Variants in FBXW8 observed in about 807,000 individuals in gnomAD.
The protein encoded by FBXW8 is F-box and WD repeat domain containing 8.
FBXW8 carries 57 observed loss-of-function variants against 65.3 expected under a neutral mutation model. The ratio of observed to expected loss-of-function variants is 0.87; its 90% CI spans 0.71 to 1.09. The LOEUF (loss-of-function observed/expected upper bound fraction) is 1.09, where lower values mean the gene tolerates loss of function less well. Ranked by LOEUF, FBXW8 falls within the 50% of genes least tolerant of loss-of-function variation. The pLI is 0.00. For synonymous variants in FBXW8, 308 were observed against 330.2 expected, an observed-to-expected ratio of 0.93 and a Z score of 0.73; for missense variants, 777 against 814.8, an observed-to-expected ratio of 0.95 and a Z score of 0.57.
chr12:116,934,924 C>T (rs1027856697), intron 2 of FBXW8, among the ~76,000 whole-genome samples: 13 of 152,306 alleles, frequency 8.5e-5, no homozygotes, highest in East Asian at 5.8e-4. Flanking sequence ...CAGTCTTTGA[C>T]GGCCACACTG....
intron 2 of FBXW8, among the ~76,000 whole-genome samples, chr12:116,942,480 T>G (rs549675849): frequency 6.1e-4 from 92 of 151,548 alleles, no homozygotes; most frequent in African/African-American, 1.9e-3. Context: ...GTTCAAGTGA[T>G]TCTCCTGCCT....
intron 7 of FBXW8, chr12:117,002,989 A>G (rs937338239): frequency 6.6e-6 from 1 of 152,192 alleles, no homozygotes; most frequent in African/African-American, 2.4e-5. Flanking sequence ...TGGGTCGTTT[A>G]TGTGAGTAAA....
At chr12:116,955,708 C>G (rs1883598680) in intron 4 of FBXW8, among the ~76,000 whole-genome samples, 1 of 152,108 alleles carries the variant, frequency 6.6e-6, no homozygotes, top group African/African-American at 2.4e-5. Flanking sequence ...TGGAAACATC[C>G]CTGTTCTGTT....
intron 1 of FBXW8, among the ~76,000 whole-genome samples, chr12:116,912,675 GGATGGTCTC>G (rs771672574): frequency 1.3e-5 from 2 of 151,972 alleles, no homozygotes; most frequent in African/African-American, 4.8e-5. Flanking sequence ...GTGTTAGCCA[GGATGGTCTC>G]GATCTCCTGA....
At chr12:116,966,992 T>C (rs1884366913) in intron 5 of FBXW8, among the ~76,000 whole-genome samples, 1 of 152,014 alleles carries the variant, frequency 6.6e-6, no homozygotes, top group African/African-American at 2.4e-5. Context: ...TATTTTAAAT[T>C]CTTTTTTTTT....
chr12:117,024,131 TC>T lies in FBXW8; in HGVS notation c.1368-14del. 6.2e-7 allele frequency: 1 copy of T among 1,611,294 alleles called. No homozygotes were observed. The highest frequency in any genetic ancestry group is 1.1e-5 in the South Asian group (1 of 91,002). ...TAACCCCATTTCCCTTCTCTGCTCT[TC>T]CTGGGCCTGTCCAGGGTGAGGATCC... On this transcript the variant is annotated splice_polypyrimidine_tract_variant and intron_variant, in intron 8 of 10. Transcript: ENST00000652555.
chr12:116,978,950 T>A (rs532602079), intron 5 of FBXW8: 1 of 152,220 alleles, frequency 6.6e-6, no homozygotes, highest in African/African-American at 2.4e-5. Flanking sequence ...TTGGGACTTA[T>A]CTTTTTGATG....
chr12:117,021,477 C>A (rs1954094474), intron 8 of FBXW8, among the ~76,000 whole-genome samples: 1 of 152,002 alleles, frequency 6.6e-6, no homozygotes, highest in African/African-American at 2.4e-5. Context: ...TTAGAAAGGT[C>A]TTCCTCCTTT....
At position 116,940,250 on chromosome 12, in the gene FBXW8, G is replaced by A. The variant is rs139337099; in HGVS notation, c.424-5114G>A. ...GAGCCCTATCTTTAGCACCATCCTG[G>A]TTATCTTTTTTTTTTTTTAAATAAT... On this transcript the variant is annotated intron_variant, in intron 2 of 10. Coordinates refer to ENST00000652555, the MANE Select transcript of FBXW8 (RefSeq NM_153348.3). 9.3e-4 allele frequency among the ~76,000 whole-genome samples: 140 copies of A among 150,108 alleles called. 1 individual carries two copies. Among genetic ancestry groups the A allele is most frequent in the African/African-American group, 3.4e-3 (134 of 39,764 alleles).
intron 8 of FBXW8, among the ~76,000 whole-genome samples, chr12:117,017,773 C>A (rs953424742): frequency 6.6e-6 from 1 of 152,072 alleles, no homozygotes; most frequent in Non-Finnish European, 1.5e-5. Context: ...ATGAAACTGC[C>A]GAGCCAGACA....
At chr12:117,006,105 G>T (rs1953669086) in intron 7 of FBXW8, among the ~76,000 whole-genome samples, 2 of 152,224 alleles carry the variant, frequency 1.3e-5, no homozygotes, top group Admixed American at 1.3e-4. Flanking sequence ...GGCTTCTGGG[G>T]AGCTGAGCCA....
chr12:116,989,688 G>A (rs561591356), intron 7 of FBXW8, among the ~76,000 whole-genome samples: 3 of 152,296 alleles, frequency 2.0e-5, no homozygotes, highest in Non-Finnish European at 4.4e-5. Flanking sequence ...GACCAAGGGG[G>A]AGAGAGAGAA....
In FBXW8 at chr12:117,028,098, T is replaced by G. The variant is rs573936488; in HGVS notation, c.1723T>G (p.Cys575Gly). 3.2e-5 allele frequency: 51 copies of G among 1,614,184 alleles called. No individual in the cohort carries two copies. The highest frequency in any genetic ancestry group is 1.2e-4 in the Admixed American group (7 of 60,030). Residue 575 changes from cysteine to glycine, a missense_variant, in exon 11 of 11, where the codon TGC (cysteine) becomes GGC (glycine). Physicochemically the swap from Cys to Gly is radical, Grantham distance 159. Transcript: ENST00000652555. The surrounding 1 kb of genome is among the most constrained non-coding windows in gnomAD (Gnocchi z 4.1). Reference sequence around the variant, plus strand: ...GGCCTTCCAGAGCCCTCTCCCTGTCTGCCGTTCATCCTGTGACGCCATGGC... The same window carrying G: ...GGCCTTCCAGAGCCCTCTCCCTGTCGGCCGTTCATCCTGTGACGCCATGGC... ...QLAFQSPLPV[C>G]RSSCDAMATH...
Position 116,936,517 on chromosome 12 carries a change from C to T in FBXW8, c.423+8390C>T, listed in dbSNP as rs1023508025. On this transcript the variant is annotated intron_variant, in intron 2 of 10. Transcript: ENST00000652555. This position sits in a 1 kb window ranked among gnomAD's most constrained non-coding sequence, Gnocchi z 4.6. ...CAAGTCTTGTAAGAGGGAGGCAGGA[C>T]GTCAGGGAGGAGAGAAGATGCTGTG... Among the ~76,000 whole-genome samples, 2 of 152,064 alleles carry T rather than the reference C, an allele frequency of 1.3e-5. No homozygotes were observed. Among genetic ancestry groups the T allele is most frequent in the African/African-American group, 4.8e-5 (2 of 41,396 alleles).
chr12:116,919,485 C>T (rs901288962), intron 1 of FBXW8, among the ~76,000 whole-genome samples: 1 of 152,252 alleles, frequency 6.6e-6, no homozygotes, highest in African/African-American at 2.4e-5. Context: ...GCCTGGAGTA[C>T]AGTAAGGGCC....
intron 1 of FBXW8, among the ~76,000 whole-genome samples, chr12:116,925,028 G>A (rs1593043857): frequency 6.6e-6 from 1 of 151,864 alleles, no homozygotes; most frequent in African/African-American, 2.4e-5. Flanking sequence ...GAAACCTTGG[G>A]AATATATTGA....
chr12:116,990,836 G>C (rs1206626462), intron 7 of FBXW8, among the ~76,000 whole-genome samples: 1 of 152,084 alleles, frequency 6.6e-6, no homozygotes. Context: ...TTAATTTTGT[G>C]AAAAATCCTT....
At chr12:116,932,932 G>T (rs973915001) in intron 2 of FBXW8, among the ~76,000 whole-genome samples, 2 of 152,220 alleles carry the variant, frequency 1.3e-5, no homozygotes, top group Non-Finnish European at 2.9e-5. Flanking sequence ...TGTTAGTATT[G>T]CTTAAGTGGG....
chr12:116,987,645 A>AT (rs1034875206), intron 6 of FBXW8, among the ~76,000 whole-genome samples: 11 of 152,062 alleles, frequency 7.2e-5, no homozygotes, highest in African/African-American at 2.2e-4. Context: ...AAATGTTAAA[A>AT]TTTTTTTTGC....
Sources: allele counts gnomAD v4.1 joint callset (sites outside exome capture counted in the v4.1 genomes callset), GRCh38; gene constraint gnomAD v4.1.1; non-coding constraint Gnocchi (gnomAD v3.1); transcripts MANE v1.5; gene names NCBI Gene and HGNC (gene_info 2026-07-23, HGNC 2026-07-21).